The following CAMTA1 variants were observed in gnomAD, a reference collection of about 807,000 sequenced individuals.
The protein encoded by CAMTA1 is calmodulin-binding transcription activator 1.
A neutral mutation model predicts 170.9 loss-of-function variants in CAMTA1; 27 were observed. The ratio of observed to expected loss-of-function variants is 0.16; its 90% CI spans 0.12 to 0.22. The LOEUF (loss-of-function observed/expected upper bound fraction) is 0.22. CAMTA1 is among the 10% of genes least tolerant of loss of function. The pLI, the probability that CAMTA1 is intolerant of heterozygous loss-of-function variation, is 1.00. For missense variants in CAMTA1, 1,619 were observed against 2,217.2 expected, an observed-to-expected ratio of 0.73 and a Z score of 5.42; for synonymous variants, 833 against 891.5, an observed-to-expected ratio of 0.93 and a Z score of 1.17.
At chr1:7,275,811 A>T (rs2149427294) in intron 5 of CAMTA1, among the ~76,000 whole-genome samples, 1 of 152,280 alleles carries the variant, frequency 6.6e-6, no homozygotes, top group Non-Finnish European at 1.5e-5. Flanking sequence ...AATTTGATTT[A>T]AAAAAATTTA....
At chr1:6,903,183 A>G (rs1335705318) in intron 3 of CAMTA1, among the ~76,000 whole-genome samples, 1 of 152,240 alleles carries the variant, frequency 6.6e-6, no homozygotes, top group African/African-American at 2.4e-5. Context: ...GAATGCATTT[A>G]GATAAAATCC....
chr1:7,539,722 A>T (rs2094587406), intron 6 of CAMTA1, among the ~76,000 whole-genome samples: 1 of 152,220 alleles, frequency 6.6e-6, no homozygotes, highest in South Asian at 2.1e-4. Context: ...CACCTCCAAG[A>T]TCTCACAGAA....
chr1:7,556,893 C>T (rs942603472), intron 6 of CAMTA1, among the ~76,000 whole-genome samples: 4 of 152,140 alleles, frequency 2.6e-5, no homozygotes, highest in Non-Finnish European at 5.9e-5. Flanking sequence ...CAGCTCATGG[C>T]GGGCACTCCA....
chr1:6,786,261 C>T lies in CAMTA1; in HGVS notation c.45+686C>T, dbSNP rs1234290944. ...GTGTGACCCCTCCCCCTTCGCTTCC[C>T]GGGAAGGGAAGGGGGCCTGCGCAGC... On this transcript the variant is annotated intron_variant, in intron 1 of 22. Coordinates refer to ENST00000303635, the MANE Select transcript of CAMTA1 (RefSeq NM_015215.4). Among the ~76,000 whole-genome samples, 3 of 151,990 alleles carry T rather than the reference C, an allele frequency of 2.0e-5. No homozygotes were observed. The South Asian group carries it at 6.2e-4, about 31-fold the overall frequency.
intron 5 of CAMTA1, among the ~76,000 whole-genome samples, chr1:7,297,471 G>A (rs1338672407): frequency 6.6e-6 from 1 of 152,210 alleles, no homozygotes; most frequent in Non-Finnish European, 1.5e-5. Context: ...GGCTTGGCCA[G>A]AATTCAAAGC....
At chr1:7,544,957 A>G (rs1015507131) in intron 6 of CAMTA1, among the ~76,000 whole-genome samples, 1 of 152,188 alleles carries the variant, frequency 6.6e-6, no homozygotes, top group Non-Finnish European at 1.5e-5. Flanking sequence ...CTCATAACCC[A>G]GACATCTCCC....
intron 14 of CAMTA1, 22 bp downstream of exon 14, chr1:7,737,031 C>G (rs1179085779): frequency 1.9e-6 from 3 of 1,559,902 alleles, no homozygotes; most frequent in Non-Finnish European, 1.8e-6. Flanking sequence ...ATTCCTGTAG[C>G]CCCCCCTTGC....
At chr1:7,662,009 G>A (rs111415903) in intron 8 of CAMTA1, 143 bp downstream of exon 8, 29,117 of 990,710 alleles carry the variant, frequency 0.029, 2,502 homozygotes, top group East Asian at 0.23. Flanking sequence ...CGACACCACC[G>A]CACCCAGCAC....
chr1:7,002,829 G>A (rs1698430705), intron 3 of CAMTA1, among the ~76,000 whole-genome samples: 1 of 152,166 alleles, frequency 6.6e-6, no homozygotes, highest in Admixed American at 6.5e-5. Flanking sequence ...GGAACGTGCC[G>A]GTTTGCCATG....
chr1:7,527,551 C>CTGGCCCTCCA (rs2094444407), intron 6 of CAMTA1, among the ~76,000 whole-genome samples: 1 of 152,204 alleles, frequency 6.6e-6, no homozygotes, highest in Non-Finnish European at 1.5e-5. Context: ...AGCCTGGGTC[C>CTGGCCCTCCA]TGGCCCTGCA....
intron 11 of CAMTA1, among the ~76,000 whole-genome samples, chr1:7,730,181 G>A (rs574691054): frequency 1.2e-4 from 18 of 152,262 alleles, no homozygotes; most frequent in African/African-American, 3.9e-4. Flanking sequence ...TTGAGGAAAC[G>A]GAGGCATGAA....
At chr1:6,811,297 CTATGT>C (rs1557602597) in intron 1 of CAMTA1, among the ~76,000 whole-genome samples, 1 of 152,148 alleles carries the variant, frequency 6.6e-6, no homozygotes, top group Admixed American at 6.5e-5. Flanking sequence ...ACCTTTTTCT[CTATGT>C]TAAGTAGAAC....
At chr1:6,861,274 G>A (rs1369524706) in intron 3 of CAMTA1, among the ~76,000 whole-genome samples, 4 of 152,112 alleles carry the variant, frequency 2.6e-5, no homozygotes, top group African/African-American at 4.8e-5. Flanking sequence ...TGACTTTACA[G>A]TAGAGATTCA....
chr1:7,672,435 T>G (rs548827947), intron 10 of CAMTA1, among the ~76,000 whole-genome samples: 4 of 152,222 alleles, frequency 2.6e-5, no homozygotes, highest in African/African-American at 9.6e-5. Context: ...TTGGTTTTTT[T>G]GTTTTGAGAT....
intron 4 of CAMTA1, among the ~76,000 whole-genome samples, chr1:7,145,269 A>G (rs1646117386): frequency 1.3e-5 from 2 of 152,194 alleles, no homozygotes; most frequent in African/African-American, 4.8e-5. Context: ...CTTATGTGGG[A>G]TTCCACGTGC....
intron 6 of CAMTA1, among the ~76,000 whole-genome samples, chr1:7,556,339 C>A (rs1285871976): frequency 6.6e-6 from 1 of 152,100 alleles, no homozygotes; most frequent in African/African-American, 2.4e-5. Flanking sequence ...TAGGAATTGA[C>A]CAGCCCTAGG....
chr1:7,542,336 T>G (rs1042979565), intron 6 of CAMTA1, among the ~76,000 whole-genome samples: 4 of 150,568 alleles, frequency 2.7e-5, no homozygotes, highest in Non-Finnish European at 5.9e-5. Context: ...GTTGATAATA[T>G]AAGATGAGGT....
At position 7,007,161 on chromosome 1, in the gene CAMTA1, G is replaced by A. The variant is rs530973686; in HGVS notation, c.235-84143G>A. Among the ~76,000 whole-genome samples the A allele has an allele frequency of 6.6e-6, 1 of 152,304 alleles. No individual in the cohort carries two copies. Among genetic ancestry groups the A allele is most frequent in the African/African-American group, 2.4e-5 (1 of 41,572 alleles). On this transcript the variant is annotated intron_variant, in intron 3 of 22. Transcript: ENST00000303635. The surrounding 1 kb of genome is among the most constrained non-coding windows in gnomAD (Gnocchi z 4.5). ...GGGCACCATGCTACCTCTGAGAAGA[G>A]AGGTGCTCTGCTGCTGGCTGCGGCA...
In CAMTA1 at chr1:7,064,031, C is replaced by T. The variant is rs1297690597; in HGVS notation, c.235-27273C>T. On this transcript the variant is annotated intron_variant, in intron 3 of 22. Transcript: ENST00000303635. This position sits in a 1 kb window ranked among gnomAD's most constrained non-coding sequence, Gnocchi z 5.4. ...TGGCTCTGGCCTGGCTGCCAGGTGG[C>T]TGCCTTCTCATATGGTGGGAGCCTT... 6.6e-6 allele frequency among the ~76,000 whole-genome samples: 1 copy of T among 152,100 alleles called. No individual in the cohort carries two copies. The highest frequency in any genetic ancestry group is 1.5e-5 in the Non-Finnish European group (1 of 68,008).
Sources: gnomAD v4.1 joint callset for allele counts (sites outside exome capture counted in the v4.1 genomes callset) on GRCh38, gnomAD v4.1.1 for gene constraint, Gnocchi (gnomAD v3.1) non-coding constraint, MANE v1.5 for transcripts, NCBI Gene and HGNC (gene_info 2026-07-23, HGNC 2026-07-21) for gene names.